Variants in FAS observed in about 807,000 individuals in gnomAD.
FAS encodes tumor necrosis factor receptor superfamily member 6.
In FAS, 5 loss-of-function variants were observed where a neutral mutation model predicts 33.2. The ratio of observed to expected loss-of-function variants is 0.15; its 90% confidence interval spans 0.08 to 0.32. The LOEUF is 0.32. Among genes scored for constraint, FAS ranks in the 10% least tolerant of loss-of-function variants. FAS has a pLI of 1.00. For missense variants in FAS, 339 were observed against 386.0 expected, an observed-to-expected ratio of 0.88 and a Z score of 1.02; for synonymous variants, 131 against 130.7, an observed-to-expected ratio of 1.00 and a Z score of -0.01.
chr10:88,993,045 C>T (rs1404331528), intron 1 of FAS, among the ~76,000 whole-genome samples: 1 of 152,066 alleles, frequency 6.6e-6, no homozygotes, highest in Non-Finnish European at 1.5e-5. Flanking sequence ...TCTGCTTTTC[C>T]CCTCTTCCCC....
At chr10:88,980,920 A>C (rs886069601) in intron 2 of FAS, among the ~76,000 whole-genome samples, 1 of 152,224 alleles carries the variant, frequency 6.6e-6, no homozygotes, top group Admixed American at 6.5e-5. Flanking sequence ...AGAAAGTTCT[A>C]AATTTGGAAA....
At position 89,015,679 on chromosome 10, in the gene FAS, A is replaced by G; in HGVS notation, c.*1229A>G. 1 of 493,038 alleles carries G rather than the reference A, an allele frequency of 2.0e-6. No homozygotes were observed. Among genetic ancestry groups the G allele is most frequent in the Non-Finnish European group, 3.9e-6 (1 of 258,004 alleles). The allele number at this position is 493,038 out of a possible 1,614,324, so 30.5% of individuals were successfully genotyped here. On this transcript the variant is annotated 3_prime_UTR_variant, in exon 9 of 9. Coordinates refer to ENST00000652046, the MANE Select transcript of FAS (RefSeq NM_000043.6). ...AAGATAGTTATAAACTGAAGCAGAT[A>G]CCTGGAACCACCTAAAGAACTTCCA...
At chr10:88,989,514 C>T (rs930485104), upstream of FAS, 3 of 544,312 alleles carry the variant, frequency 5.5e-6, no homozygotes, top group African/African-American at 5.7e-5. Flanking sequence ...GGGTCTTCCT[C>T]ATGGCACTAA....
chr10:88,998,799 T>C (rs9658711), intron 1 of FAS, among the ~76,000 whole-genome samples: 18 of 152,276 alleles, frequency 1.2e-4, no homozygotes, highest in East Asian at 1.2e-3. Flanking sequence ...CAACATTTAG[T>C]TTAATTGTTT....
At position 88,990,902 on chromosome 10, in the gene FAS, C is replaced by A; in HGVS notation, c.26C>A (p.Pro9His). MLGIWTLL[P>H]LVLTSVARLS... is the part of the protein sequence containing the mutation. Reference sequence around the variant, plus strand: ...ATGCTGGGCATCTGGACCCTCCTACCTCTGGTGAGCCCTCTCCTGCCCGGG... The same window carrying A: ...ATGCTGGGCATCTGGACCCTCCTACATCTGGTGAGCCCTCTCCTGCCCGGG... The change falls in exon 1 of 9, where the codon CCT becomes CAT. Residue 9 changes from proline to histidine, a missense_variant. Around this residue, in one of 3 missense-constraint regions of FAS, gnomAD observed 276 missense variants for 300.1 expected, o/e 0.92. Transcript: ENST00000652046. The surrounding 1 kb of genome is among the most constrained non-coding windows in gnomAD (Gnocchi z 4.9). 1 of 1,614,228 alleles carries A rather than the reference C, an allele frequency of 6.2e-7. No individual in the cohort carries two copies. Among genetic ancestry groups the A allele is most frequent in the Non-Finnish European group, 8.5e-7 (1 of 1,180,040 alleles).
At chr10:88,988,427 T>G (rs911523838), upstream of FAS, among the ~76,000 whole-genome samples, 32 of 9,570 alleles carry the variant, frequency 3.3e-3, no homozygotes, top group African/African-American at 0.011. Flanking sequence ...TTTTTTTTTT[T>G]TTTTGTTTTG....
At chr10:88,985,920 T>C (rs1398317649), upstream of FAS, among the ~76,000 whole-genome samples, 7 of 152,336 alleles carry the variant, frequency 4.6e-5, no homozygotes, top group South Asian at 4.1e-4. Context: ...CAATTTTTAT[T>C]GGCATGCAGG....
At chr10:88,982,986 C>T (rs750557768), upstream of FAS, among the ~76,000 whole-genome samples, 7 of 152,150 alleles carry the variant, frequency 4.6e-5, no homozygotes, top group Non-Finnish European at 8.8e-5. Context: ...CTTTCCAGAA[C>T]GTGGCATCAA....
At chr10:88,991,001 G>T (rs1200837137) in intron 1 of FAS, 95 bp downstream of exon 1, 4 of 1,564,564 alleles carry the variant, frequency 2.6e-6, no homozygotes, top group East Asian at 2.3e-5. Context: ...GGATTGCGGC[G>T]GCAGCGGCGC....
chr10:88,985,238 G>A (rs1846841049), upstream of FAS, among the ~76,000 whole-genome samples: 2 of 152,200 alleles, frequency 1.3e-5, no homozygotes, highest in African/African-American at 4.8e-5. Context: ...CTCACATCTA[G>A]TGAAGTAACT....
At position 89,014,249 on chromosome 10, in the gene FAS, C is replaced by T. The variant is rs746842506; in HGVS notation, c.807C>T (p.Asp269=). 6.2e-7 allele frequency: 1 copy of T among 1,613,934 alleles called. No homozygotes were observed. The highest frequency in any genetic ancestry group is 8.5e-7 in the Non-Finnish European group (1 of 1,179,934). ...IDEIKNDNVQ[D]TAEQKVQLLR... ...AGATCAAGAATGACAATGTCCAAGACACAGCAGAACAGAAAGTTCAACTGC... is the reference window on the plus strand; with the variant it reads ...AGATCAAGAATGACAATGTCCAAGATACAGCAGAACAGAAAGTTCAACTGC... Residue 269 remains aspartate (D), a synonymous_variant, in exon 9 of 9, where the codon GAC becomes GAT. Coordinates refer to ENST00000652046, the MANE Select transcript of FAS (RefSeq NM_000043.6).
chr10:88,982,290 T>C (rs1262377667), upstream of FAS, among the ~76,000 whole-genome samples: 3 of 152,226 alleles, frequency 2.0e-5, no homozygotes, highest in Non-Finnish European at 4.4e-5. Context: ...ACCTGGCTCA[T>C]ACTAAGTGAT....
Position 88,978,227 on chromosome 10 carries a change from T to C in FAS, n.260+4880T>C, listed in dbSNP as rs369460751. 3.4e-3 allele frequency among the ~76,000 whole-genome samples: 425 copies of C among 126,822 alleles called. 6 individuals are homozygous for C. The East Asian group carries it at 0.048, about 14-fold the overall frequency. 83.2% of individuals were successfully genotyped at this position (126,822 alleles called of 152,430 possible). On this transcript the variant is annotated intron_variant and non_coding_transcript_variant, in intron 2 of 3. Coordinates refer to the FAS transcript ENST00000688239. ...GATCACATGGACACTGGAAGGGGAA[T>C]ATCACACTCTGGGGACTGTTGTGGG... is the stretch of plus-strand genomic sequence containing the variant.
At chr10:88,965,871 C>T (rs1846310049) in intron 1 of FAS, among the ~76,000 whole-genome samples, 1 of 152,090 alleles carries the variant, frequency 6.6e-6, no homozygotes, top group African/African-American at 2.4e-5. Context: ...TTGAGAGAGC[C>T]CTGCCAAAAA....
chr10:88,990,648 T>G, upstream of FAS: 1 of 697,076 alleles, frequency 1.4e-6, no homozygotes, highest in Non-Finnish European at 2.6e-6. The surrounding 1 kb of genome is among the most constrained non-coding windows in gnomAD (Gnocchi z 4.9). Context: ...AGCTCGTCTC[T>G]GATCTCGCGC....
At chr10:89,007,511 G>A (rs1359285179) in intron 2 of FAS, among the ~76,000 whole-genome samples, 189 bp from the exon 3 acceptor site, 1 of 151,768 alleles carries the variant, frequency 6.6e-6, no homozygotes, top group African/African-American at 2.4e-5. Flanking sequence ...CTTTTGTCTT[G>A]GGAGACTTTC....
rs558072404 is a variant in FAS at position 88,990,918 on chromosome 10, C to A, written c.30+12C>A. ...CCCTCCTACCTCTGGTGAGCCCTCTCCTGCCCGGGTGGAGGCTTACCCCGT... is the reference window on the plus strand; with the variant it reads ...CCCTCCTACCTCTGGTGAGCCCTCTACTGCCCGGGTGGAGGCTTACCCCGT... On this transcript the variant is annotated intron_variant, in intron 1 of 8. Coordinates refer to ENST00000652046, the MANE Select transcript of FAS (RefSeq NM_000043.6). This position sits in a 1 kb window ranked among gnomAD's most constrained non-coding sequence, Gnocchi z 4.9. 1.2e-6 allele frequency: 2 copies of A among 1,614,218 alleles called. No individual in the cohort carries two copies. Among genetic ancestry groups the A allele is most frequent in the Non-Finnish European group, 1.7e-6 (2 of 1,180,030 alleles).
chr10:88,995,615 A>G (rs550478246), intron 1 of FAS, among the ~76,000 whole-genome samples: 50 of 152,258 alleles, frequency 3.3e-4, no homozygotes, highest in African/African-American at 1.2e-3. Flanking sequence ...ATCACTTGAG[A>G]TTAGGAGTTT....
intron 1 of FAS, 100 bp from the exon 2 acceptor site, chr10:89,002,929 G>T: frequency 7.9e-7 from 1 of 1,261,918 alleles, no homozygotes; most frequent in South Asian, 1.2e-5. Flanking sequence ...GTCTTTGCCT[G>T]TGCACAGCAG....
Sources: allele counts gnomAD v4.1 joint callset (sites outside exome capture counted in the v4.1 genomes callset), GRCh38; gene constraint gnomAD v4.1.1; regional missense constraint gnomAD v4.1.1; non-coding constraint Gnocchi (gnomAD v3.1); transcripts MANE v1.5; gene names NCBI Gene and HGNC (gene_info 2026-07-23, HGNC 2026-07-21).